PHC2: variants seen among roughly 807,000 people sequenced by gnomAD.
PHC2 encodes polyhomeotic homolog 2.
A neutral mutation model predicts 87.4 loss-of-function variants in PHC2; 29 were observed. The observed-to-expected ratio is 0.33, with a 90% CI of 0.25 to 0.45. The LOEUF is 0.45. Ranked by LOEUF, PHC2 falls within the 20% of genes least tolerant of loss-of-function variation. The pLI, the probability that PHC2 is intolerant of heterozygous loss-of-function variation, is 1.00. For synonymous variants in PHC2, 438 were observed against 461.7 expected, an observed-to-expected ratio of 0.95 and a Z score of 0.66; for missense variants, 857 against 1,136.7, an observed-to-expected ratio of 0.75 and a Z score of 3.54.
intron 9 of PHC2, chr1:33,345,646 A>G: frequency 2.0e-6 from 2 of 984,140 alleles, no homozygotes; most frequent in Non-Finnish European, 2.4e-6. Context: ...TAAATTGTAT[A>G]ATTCTTGACT....
At chr1:33,418,403 T>C (rs1415361539) in intron 1 of PHC2, among the ~76,000 whole-genome samples, 1 of 151,870 alleles carries the variant, frequency 6.6e-6, no homozygotes, top group Admixed American at 6.6e-5. Flanking sequence ...AAATCACCAG[T>C]GATAGGAATG....
chr1:33,346,698 A>C, intron 9 of PHC2: 2 of 985,362 alleles, frequency 2.0e-6, no homozygotes, highest in Non-Finnish European at 2.4e-6. Flanking sequence ...TGCTGGATGA[A>C]AGTGAGGAGG....
chr1:33,426,733 A>G (rs571931693), intron 1 of PHC2, among the ~76,000 whole-genome samples: 2 of 152,330 alleles, frequency 1.3e-5, no homozygotes, highest in Non-Finnish European at 2.9e-5. Flanking sequence ...GTGATTGTGC[A>G]GCATGACATA....
chr1:33,367,900 C>A (rs1307940788), intron 6 of PHC2, among the ~76,000 whole-genome samples: 1 of 152,224 alleles, frequency 6.6e-6, no homozygotes, highest in Non-Finnish European at 1.5e-5. Context: ...TTGCCACCGG[C>A]TCTTCCAAGA....
At chr1:33,412,219 T>A (rs1362701930) in intron 1 of PHC2, among the ~76,000 whole-genome samples, 2 of 152,176 alleles carry the variant, frequency 1.3e-5, no homozygotes, top group Non-Finnish European at 2.9e-5. Flanking sequence ...AGAACTAAAG[T>A]AAATTGATCG....
intron 1 of PHC2, among the ~76,000 whole-genome samples, chr1:33,416,584 G>GAAAAAAAAAAAAAA (rs61591207): frequency 8.6e-6 from 1 of 115,830 alleles, no homozygotes; most frequent in Non-Finnish European, 1.7e-5. Flanking sequence ...TCAAAAAAAA[G>GAAAAAAAAAAAAAA]AAAAAAAAAA....
At position 33,329,019 on chromosome 1, in the gene PHC2, G is replaced by C; in HGVS notation, c.2276C>G (p.Ser759Cys). The change falls in exon 14 of 15, where the codon TCT becomes TGT. Residue 759 changes from serine to cysteine, a missense_variant. Coordinates refer to ENST00000683057, the MANE Select transcript of PHC2 (RefSeq NM_001385109.1). The stretch of plus-strand genomic sequence containing the variant: ...CTGGCCTTGTCGCCGGCGGGAAGTA[G>C]ATGAGCTGGCTGAGATGGGTGACAA... Reference protein sequence around the residue: ...EPLSPISASSSTSRRRQGQRD... With the variant: ...EPLSPISASSCTSRRRQGQRD... 3 of 1,614,254 alleles carry C rather than the reference G, an allele frequency of 1.9e-6. No homozygotes were observed. The highest frequency in any genetic ancestry group is 2.5e-6 in the Non-Finnish European group (3 of 1,180,044).
chr1:33,402,980 AT>A (rs1049560586), intron 1 of PHC2, among the ~76,000 whole-genome samples: 1 of 149,842 alleles, frequency 6.7e-6, no homozygotes, highest in Non-Finnish European at 1.5e-5. Flanking sequence ...GACTTTTTAA[AT>A]TTTTTTTATT....
At chr1:33,425,934 G>A (rs554046237) in intron 1 of PHC2, among the ~76,000 whole-genome samples, 72 of 152,324 alleles carry the variant, frequency 4.7e-4, no homozygotes, top group African/African-American at 1.7e-3. Flanking sequence ...AATGGGAGGA[G>A]GCAACACAAT....
intron 9 of PHC2, chr1:33,345,301 G>C (rs1387419107): frequency 1.3e-5 from 2 of 152,700 alleles, no homozygotes; most frequent in African/African-American, 2.4e-5. Context: ...ATGTTTTAAA[G>C]TCATAATAGC....
intron 2 of PHC2, among the ~76,000 whole-genome samples, chr1:33,374,145 A>G (rs1401465062): frequency 1.3e-5 from 2 of 152,102 alleles, no homozygotes; most frequent in Non-Finnish European, 2.9e-5. Flanking sequence ...GACTCCTGAA[A>G]GTGACCTCCC....
chr1:33,400,796 T>C (rs1333025770), intron 1 of PHC2, among the ~76,000 whole-genome samples: 1 of 152,196 alleles, frequency 6.6e-6, no homozygotes, highest in African/African-American at 2.4e-5. Context: ...GAATTGTACA[T>C]GTTGACAGGA....
intron 1 of PHC2, among the ~76,000 whole-genome samples, chr1:33,388,709 T>C (rs1162695761): frequency 1.3e-5 from 2 of 152,176 alleles, no homozygotes; most frequent in African/African-American, 2.4e-5. Context: ...CCCAGCACCA[T>C]GTGCAGCACA....
At chr1:33,341,324 G>A (rs993259657) in intron 9 of PHC2, among the ~76,000 whole-genome samples, 9 of 152,226 alleles carry the variant, frequency 5.9e-5, no homozygotes, top group African/African-American at 2.2e-4. Context: ...GGAGGGCTGC[G>A]CTGATTAGCC....
At chr1:33,352,036 T>C (rs16835401) in intron 9 of PHC2, among the ~76,000 whole-genome samples, 14,743 of 151,724 alleles carry the variant, frequency 0.097, 1,029 homozygotes, top group East Asian at 0.28. Flanking sequence ...GTGTAAAGCT[T>C]ACTTCTCTCA....
At chr1:33,372,193 G>T in intron 3 of PHC2, 96 bp downstream of exon 3, 2 of 1,232,006 alleles carry the variant, frequency 1.6e-6, no homozygotes, top group Non-Finnish European at 1.1e-6. Flanking sequence ...GGTAAGAGAA[G>T]GATGTGAAGC....
chr1:33,405,780 A>T (rs1442617062), intron 1 of PHC2, among the ~76,000 whole-genome samples: 2 of 151,512 alleles, frequency 1.3e-5, no homozygotes, highest in Non-Finnish European at 3.0e-5. Flanking sequence ...TGTACTGCTT[A>T]ATTTCCAAAT....
intron 14 of PHC2, among the ~76,000 whole-genome samples, chr1:33,328,378 ATTT>A (rs10631917): frequency 3.0e-5 from 4 of 133,672 alleles, no homozygotes; most frequent in Non-Finnish European, 4.7e-5. Context: ...TCTTAATTAA[ATTT>A]TTTTTTTTTT....
intron 1 of PHC2, among the ~76,000 whole-genome samples, chr1:33,426,385 G>C (rs1650672048): frequency 6.6e-6 from 1 of 152,058 alleles, no homozygotes; most frequent in African/African-American, 2.4e-5. Flanking sequence ...CCAGATGAGG[G>C]CAGACAAGTT....
Sources: allele counts gnomAD v4.1 joint callset (sites outside exome capture counted in the v4.1 genomes callset), GRCh38; gene constraint gnomAD v4.1.1; transcripts MANE v1.5; gene names NCBI Gene and HGNC (gene_info 2026-07-23, HGNC 2026-07-21).